KANSL3: variants seen among roughly 807,000 people sequenced by gnomAD.
The protein encoded by KANSL3 is KAT8 regulatory NSL complex subunit 3.
A neutral mutation model predicts 89.2 loss-of-function variants in KANSL3; 16 were observed. The observed-to-expected ratio is 0.18, with a 90% CI of 0.12 to 0.27. The LOEUF is 0.27. Ranked by LOEUF, KANSL3 falls within the 10% of genes least tolerant of loss-of-function variation. The pLI is 1.00. For synonymous variants in KANSL3, 385 were observed against 419.7 expected (o/e 0.92, Z 1.01); for missense variants, 879 against 1,110.6 (o/e 0.79, Z 2.96).
downstream of KANSL3, among the ~76,000 whole-genome samples, chr2:96,589,132 C>G (rs1482537254): frequency 1.3e-5 from 2 of 152,042 alleles, no homozygotes; most frequent in Non-Finnish European, 2.9e-5. Flanking sequence ...AAAAAGTGTT[C>G]AAGTAACCCA....
At chr2:96,619,310 G>GGGA (rs1161495826) in intron 5 of KANSL3, 49 bp downstream of exon 5, 1 of 1,533,438 alleles carries the variant, frequency 6.5e-7, no homozygotes, top group Admixed American at 1.8e-5. Flanking sequence ...GAACCCACAG[G>GGGA]GGAGGATGGC....
chr2:96,625,031 G>A (rs896842411), intron 3 of KANSL3, among the ~76,000 whole-genome samples: 31 of 151,910 alleles, frequency 2.0e-4, no homozygotes, highest in Non-Finnish European at 1.8e-4. Flanking sequence ...CTAACATGGC[G>A]AAACCCCGTC....
intron 14 of KANSL3, among the ~76,000 whole-genome samples, chr2:96,607,540 T>G (rs1339349861): frequency 1.3e-5 from 2 of 152,202 alleles, no homozygotes; most frequent in Non-Finnish European, 2.9e-5. Flanking sequence ...CACACGGGAC[T>G]TGGCTCTGGC....
At chr2:96,610,530 T>G in intron 11 of KANSL3, 196 bp downstream of exon 11, 2 of 492,982 alleles carry the variant, frequency 4.1e-6, no homozygotes, top group South Asian at 5.2e-5. Flanking sequence ...TTAGCCAGGA[T>G]GGTCTCAATC....
intron 2 of KANSL3, among the ~76,000 whole-genome samples, chr2:96,632,986 A>C (rs1396551062): frequency 4.6e-5 from 7 of 151,328 alleles, no homozygotes; most frequent in African/African-American, 1.7e-4. Context: ...AAAAAAAAAA[A>C]ATTACTGGGC....
At chr2:96,604,655 A>G in intron 16 of KANSL3, 124 bp downstream of exon 16, 1 of 908,778 alleles carries the variant, frequency 1.1e-6, no homozygotes, top group Non-Finnish European at 1.7e-6. Flanking sequence ...TCCCAATCAG[A>G]AGTAAGTCAC....
chr2:96,638,225 A>AG (rs2074545035), intron 1 of KANSL3, 58 bp downstream of exon 1: 5 of 145,764 alleles, frequency 3.4e-5, no homozygotes, highest in Admixed American at 1.4e-4. Flanking sequence ...CGGCCGTCCC[A>AG]ACCACGGCCG....
At chr2:96,589,094 C>T (rs1033492467), downstream of KANSL3, among the ~76,000 whole-genome samples, 1 of 152,096 alleles carries the variant, frequency 6.6e-6, no homozygotes, top group Non-Finnish European at 1.5e-5. Context: ...ACTCAAACCG[C>T]TATGAATAAA....
rs374045025 is a variant in KANSL3, at chr2:96,602,911, A to G, written c.2150-49T>C. The stretch of plus-strand genomic sequence containing the variant: ...CAGTAGAGACTCAATCACTTGCACT[A>G]TCCCGAGAGCAGCCACATCCATCCA... On this transcript the variant is annotated intron_variant, in intron 17 of 20. Coordinates refer to ENST00000431828, the MANE Select transcript of KANSL3 (RefSeq NM_001115016.3). 50 of 1,557,220 alleles carry G rather than the reference A, an allele frequency of 3.2e-5. No individual in the cohort carries two copies. The Middle Eastern group carries it at 5.0e-4, about 16-fold the overall frequency.
chr2:96,591,444 T>C (rs1180828500), downstream of KANSL3, among the ~76,000 whole-genome samples: 1 of 152,198 alleles, frequency 6.6e-6, no homozygotes, highest in Non-Finnish European at 1.5e-5. Flanking sequence ...CATAGAACTA[T>C]ACACACACAT....
chr2:96,580,887 G>C, the KANSL3 span, among the ~76,000 whole-genome samples: 5 of 152,218 alleles, frequency 3.3e-5, no homozygotes, highest in Non-Finnish European at 7.3e-5. Flanking sequence ...CACTCCCTGA[G>C]TGAGGCCAAT....
At chr2:96,591,212 G>T (rs1220050850), downstream of KANSL3, among the ~76,000 whole-genome samples, 1 of 152,178 alleles carries the variant, frequency 6.6e-6, no homozygotes, top group South Asian at 2.1e-4. Flanking sequence ...GTGTATCAAG[G>T]AAATGATATT....
At chr2:96,605,202 G>T in intron 15 of KANSL3, 118 bp downstream of exon 15, 1 of 876,974 alleles carries the variant, frequency 1.1e-6, no homozygotes. Context: ...TGTCTTCTTT[G>T]CTCCGGGCAT....
intron 2 of KANSL3, among the ~76,000 whole-genome samples, chr2:96,632,127 G>T (rs1321289404): frequency 6.6e-6 from 1 of 152,062 alleles, no homozygotes; most frequent in Non-Finnish European, 1.5e-5. Context: ...GCTGAAGCAG[G>T]AGGATCACTT....
At chr2:96,605,198 CT>C (rs1341454212) in intron 15 of KANSL3, 121 bp downstream of exon 15, 1 of 862,426 alleles carries the variant, frequency 1.2e-6, no homozygotes, top group African/African-American at 1.7e-5. Flanking sequence ...CTCATGTCTT[CT>C]TTGCTCCGGG....
intron 9 of KANSL3, among the ~76,000 whole-genome samples, chr2:96,611,526 T>C (rs998309266): frequency 2.6e-5 from 4 of 152,172 alleles, no homozygotes; most frequent in African/African-American, 4.8e-5. Context: ...ATTCTCTCTA[T>C]TGAACTTAAT....
intron 14 of KANSL3, chr2:96,606,979 A>G: frequency 7.8e-7 from 1 of 1,288,872 alleles, no homozygotes; most frequent in Non-Finnish European, 1.0e-6. Flanking sequence ...CCAAAGAGAC[A>G]GGAGGAGGTG....
chr2:96,601,244 G>C, intron 20 of KANSL3: 1 of 890,006 alleles, frequency 1.1e-6, no homozygotes, highest in Non-Finnish European at 1.3e-6. Context: ...CTCCAGCTTG[G>C]GCGATAGAGC....
Position 96,612,153 on chromosome 2 carries a change from G to A in KANSL3, c.1086+129C>T, listed in dbSNP as rs2069120029. ...GTTTTAATAAAATTTGTCTTCTACA[G>A]TTTAAAATGTAATTATATAGGTAAA... On this transcript the variant is annotated intron_variant, in intron 9 of 20. Coordinates refer to ENST00000431828, the MANE Select transcript of KANSL3 (RefSeq NM_001115016.3). 14 of 695,226 alleles carry A rather than the reference G, an allele frequency of 2.0e-5. No individual in the cohort carries two copies. The South Asian group carries it at 2.4e-4, about 12-fold the overall frequency. 43.1% of individuals were successfully genotyped at this position (695,226 alleles called of 1,614,324 possible).
Sources: allele counts gnomAD v4.1 joint callset (sites outside exome capture counted in the v4.1 genomes callset), GRCh38; gene constraint gnomAD v4.1.1; transcripts MANE v1.5; gene names NCBI Gene and HGNC (gene_info 2026-07-23, HGNC 2026-07-21).